The following STXBP5L variants were observed in gnomAD, a reference collection of about 807,000 sequenced individuals.
The protein encoded by STXBP5L is syntaxin binding protein 5L.
In STXBP5L, 65 loss-of-function variants were observed where a neutral mutation model predicts 144.5. The observed-to-expected ratio is 0.45, with a 90% CI of 0.37 to 0.55. STXBP5L has a LOEUF of 0.55. Among genes scored for constraint, STXBP5L ranks in the 20% least tolerant of loss-of-function variants. The probability of loss-of-function intolerance (pLI) is 0.00; values close to 1 mark genes in which losing one functional copy is unlikely to be tolerated. For missense variants in STXBP5L, 1,298 were observed against 1,405.5 expected (o/e 0.92, Z 1.22); for synonymous variants, 505 against 469.6 (o/e 1.08, Z -0.97).
At chr3:121,345,470 C>G (rs888233522) in intron 20 of STXBP5L, among the ~76,000 whole-genome samples, 1 of 152,046 alleles carries the variant, frequency 6.6e-6, no homozygotes, top group Non-Finnish European at 1.5e-5. Flanking sequence ...AATAAACATA[C>G]GTGTGCATAT....
chr3:121,252,330 C>T (rs184171582), intron 15 of STXBP5L, among the ~76,000 whole-genome samples: 22 of 151,966 alleles, frequency 1.4e-4, no homozygotes, highest in African/African-American at 2.7e-4. Context: ...CACACCACTG[C>T]GCTCCAGCCT....
At chr3:121,248,162 C>T (rs1229197372) in intron 14 of STXBP5L, among the ~76,000 whole-genome samples, 1 of 152,084 alleles carries the variant, frequency 6.6e-6, no homozygotes, top group Non-Finnish European at 1.5e-5. Flanking sequence ...CTCCTGAGCT[C>T]AAGCAATTCT....
intron 19 of STXBP5L, among the ~76,000 whole-genome samples, chr3:121,296,378 T>G (rs1305423107): frequency 1.3e-5 from 2 of 152,202 alleles, no homozygotes; most frequent in Non-Finnish European, 2.9e-5. Flanking sequence ...CAATCCAGCT[T>G]TCACAGTATT....
chr3:120,930,469 G>A (rs569363728), intron 2 of STXBP5L, among the ~76,000 whole-genome samples: 1 of 152,146 alleles, frequency 6.6e-6, no homozygotes, highest in East Asian at 1.9e-4. Flanking sequence ...TTTGATACTA[G>A]TTTGTAAGGC....
intron 9 of STXBP5L, among the ~76,000 whole-genome samples, chr3:121,174,654 G>A (rs1200124995): frequency 3.9e-5 from 6 of 152,136 alleles, no homozygotes; most frequent in Admixed American, 2.0e-4. Context: ...TCTGAAAGTT[G>A]AATATGGACT....
chr3:121,303,080 C>G (rs1014546912), intron 19 of STXBP5L, among the ~76,000 whole-genome samples: 8 of 152,140 alleles, frequency 5.3e-5, no homozygotes, highest in Admixed American at 2.0e-4. Flanking sequence ...AAACTACCAT[C>G]AGAGTGAACA....
chr3:120,952,160 TG>T lies in STXBP5L; in HGVS notation c.190-2774del, dbSNP rs983225796. On this transcript the variant is annotated intron_variant, in intron 2 of 26. Transcript: ENST00000471454. ...TCACACTCTGGGGACTGTTGTGGGG[TG>T]GGGGGATGGGGGAGGGATAGCATTG... 5.8e-4 allele frequency among the ~76,000 whole-genome samples: 51 copies of T among 87,612 alleles called. 2 individuals are homozygous for T. The highest frequency in any genetic ancestry group is 2.3e-5 in the Non-Finnish European group (1 of 43,642). The allele number at this position is 87,612 out of a possible 152,430, so 57.5% of individuals were successfully genotyped here. A position where few individuals can be genotyped will look rare whatever the true frequency, so the allele number is the denominator to read the frequency against.
intron 20 of STXBP5L, among the ~76,000 whole-genome samples, chr3:121,363,629 A>T (rs2045780654): frequency 6.6e-6 from 1 of 152,144 alleles, no homozygotes; most frequent in African/African-American, 2.4e-5. Flanking sequence ...CACTACCAAA[A>T]GGAGGGGTGG....
intron 9 of STXBP5L, among the ~76,000 whole-genome samples, chr3:121,172,457 A>G (rs547442237): frequency 1.3e-5 from 2 of 152,354 alleles, no homozygotes; most frequent in Admixed American, 6.5e-5. Context: ...GCTAATATCT[A>G]GAATCTACAA....
At chr3:121,273,772 T>C (rs1439348681) in intron 18 of STXBP5L, among the ~76,000 whole-genome samples, 1 of 152,098 alleles carries the variant, frequency 6.6e-6, no homozygotes, top group Non-Finnish European at 1.5e-5. Flanking sequence ...TCAAAAGATC[T>C]GTCTTCAAGT....
At chr3:120,983,159 G>T (rs1941959221) in intron 3 of STXBP5L, among the ~76,000 whole-genome samples, 1 of 152,170 alleles carries the variant, frequency 6.6e-6, no homozygotes, top group African/African-American at 2.4e-5. Context: ...TGGCCTGAGG[G>T]TGGCAGAGGC....
intron 9 of STXBP5L, among the ~76,000 whole-genome samples, chr3:121,168,217 A>T (rs1287137182): frequency 6.6e-6 from 1 of 152,218 alleles, no homozygotes; most frequent in Admixed American, 6.5e-5. Flanking sequence ...AAATCCATGA[A>T]GATGGGGAGA....
intron 7 of STXBP5L, among the ~76,000 whole-genome samples, chr3:121,149,213 A>G (rs1222676443): frequency 2.0e-5 from 3 of 152,092 alleles, no homozygotes; most frequent in Non-Finnish European, 4.4e-5. Flanking sequence ...ATATACATCT[A>G]TAATCTGTGT....
intron 20 of STXBP5L, among the ~76,000 whole-genome samples, chr3:121,319,542 C>A (rs933065446): frequency 6.6e-6 from 1 of 151,944 alleles, no homozygotes; most frequent in African/African-American, 2.4e-5. Context: ...TTTTACTGAT[C>A]TTATTGTAAA....
chr3:120,908,829 G>A lies in STXBP5L; in HGVS notation c.-9+495G>A, dbSNP rs538029135. Among the ~76,000 whole-genome samples, 38 of 149,464 alleles carry A rather than the reference G, an allele frequency of 2.5e-4. 1 individual carries two copies. Among genetic ancestry groups the A allele is most frequent in the Middle Eastern group, 3.5e-3 (1 of 288 alleles). On this transcript the variant is annotated intron_variant, in intron 1 of 26. Coordinates refer to ENST00000471454, the MANE Select transcript of STXBP5L (RefSeq NM_001308330.2). ...GAGGGAGGGGAGCAGGAGATGGGGAGAGGGGGGAAAGAGGACGCGGGGAGG... is the reference window on the plus strand; with the variant it reads ...GAGGGAGGGGAGCAGGAGATGGGGAAAGGGGGGAAAGAGGACGCGGGGAGG...
intron 3 of STXBP5L, among the ~76,000 whole-genome samples, chr3:121,036,581 G>A (rs976295531): frequency 6.6e-6 from 1 of 151,988 alleles, no homozygotes; most frequent in Non-Finnish European, 1.5e-5. Context: ...AGAAAGTATT[G>A]TTCCTCTTGC....
intron 20 of STXBP5L, among the ~76,000 whole-genome samples, chr3:121,336,855 G>A (rs912998738): frequency 2.6e-5 from 4 of 152,112 alleles, no homozygotes; most frequent in African/African-American, 9.7e-5. Context: ...CAACCTAAAT[G>A]CCCATCAATG....
chr3:121,232,523 C>T (rs1408731845), intron 11 of STXBP5L, among the ~76,000 whole-genome samples: 2 of 152,168 alleles, frequency 1.3e-5, no homozygotes, highest in Non-Finnish European at 2.9e-5. Flanking sequence ...GAGTAAATCA[C>T]TGAGTAAAAC....
At chr3:121,281,938 T>C (rs1241425185) in intron 19 of STXBP5L, among the ~76,000 whole-genome samples, 1 of 151,622 alleles carries the variant, frequency 6.6e-6, no homozygotes, top group Non-Finnish European at 1.5e-5. Context: ...AGAAGTGTAT[T>C]TTGTAAAAAC....
Sources: gnomAD v4.1 joint callset for allele counts (sites outside exome capture counted in the v4.1 genomes callset) on GRCh38, gnomAD v4.1.1 for gene constraint, MANE v1.5 for transcripts, NCBI Gene and HGNC (gene_info 2026-07-23, HGNC 2026-07-21) for gene names.